The following DPP10 variants were observed in gnomAD, a reference collection of about 807,000 sequenced individuals.
The protein encoded by DPP10 is inactive dipeptidyl peptidase 10.
Under a neutral mutation model 120.9 loss-of-function variants are expected in DPP10, and 33 were observed. The observed-to-expected ratio is 0.27, with a 90% CI of 0.21 to 0.37. The LOEUF is 0.37. Among genes scored for constraint, DPP10 ranks in the 10% least tolerant of loss-of-function variants. DPP10 has a pLI of 1.00. For synonymous variants in DPP10, 337 were observed against 326.1 expected (o/e 1.03, Z -0.36); for missense variants, 816 against 942.8 (o/e 0.87, Z 1.76).
rs1699238734 is a variant in DPP10 at position 114,684,485 on chromosome 2, G to T, written c.60+241647G>T. Among the ~76,000 whole-genome samples, 5 of 152,108 alleles carry T rather than the reference G, an allele frequency of 3.3e-5. No individual in the cohort carries two copies. In the South Asian group the frequency reaches 8.3e-4, roughly 25 times the overall value. Reference sequence around the variant, plus strand: ...AAGTGTTTTCTTTCCCTCCCTTTGGGCTGGTTTTACAATGCTAGTGTGCTA... The same window carrying T: ...AAGTGTTTTCTTTCCCTCCCTTTGGTCTGGTTTTACAATGCTAGTGTGCTA... On this transcript the variant is annotated intron_variant, in intron 1 of 25. Transcript: ENST00000410059.
intron 1 of DPP10, among the ~76,000 whole-genome samples, chr2:114,584,640 G>T (rs1280393858): frequency 6.9e-6 from 1 of 145,342 alleles, no homozygotes; most frequent in Non-Finnish European, 1.5e-5. Context: ...GTGAGAACCT[G>T]CAGTGTTTGG....
intron 1 of DPP10, among the ~76,000 whole-genome samples, chr2:114,686,756 G>A (rs1318080316): frequency 6.6e-6 from 1 of 151,896 alleles, no homozygotes; most frequent in Non-Finnish European, 1.5e-5. Context: ...CGCAATAATT[G>A]TAGTCAAGAG....
At chr2:115,170,849 T>G (rs1383060846) in intron 1 of DPP10, among the ~76,000 whole-genome samples, 3 of 152,214 alleles carry the variant, frequency 2.0e-5, no homozygotes, top group Non-Finnish European at 2.9e-5. Context: ...AAATGAGATT[T>G]GCTCAACTTT....
chr2:115,798,351 C>T (rs1226199981), intron 19 of DPP10, among the ~76,000 whole-genome samples: 1 of 151,976 alleles, frequency 6.6e-6, no homozygotes, highest in African/African-American at 2.4e-5. Context: ...TTTAACATGA[C>T]TTTGAAAGGT....
intron 16 of DPP10, 149 bp downstream of exon 16, chr2:115,781,144 C>A: frequency 2.0e-6 from 1 of 503,714 alleles, no homozygotes; most frequent in Admixed American, 4.2e-5. Context: ...TATAGACTTA[C>A]TGAGATACAA....
intron 5 of DPP10, among the ~76,000 whole-genome samples, chr2:115,587,318 T>C (rs2082357967): frequency 6.6e-6 from 1 of 152,064 alleles, no homozygotes; most frequent in South Asian, 2.1e-4. Context: ...CAGGGTGGTC[T>C]CGATCTCCTG....
chr2:114,692,734 A>G (rs1699841970), intron 1 of DPP10, among the ~76,000 whole-genome samples: 1 of 152,006 alleles, frequency 6.6e-6, no homozygotes, highest in South Asian at 2.1e-4. Flanking sequence ...TTAGGTCTCT[A>G]AGCACTTGCT....
intron 1 of DPP10, among the ~76,000 whole-genome samples, chr2:115,070,435 C>T (rs1039794400): frequency 6.6e-6 from 1 of 152,100 alleles, no homozygotes; most frequent in Non-Finnish European, 1.5e-5. Flanking sequence ...CATGCTCTTT[C>T]CAGAGGGCAA....
At chr2:114,821,688 G>T (rs1686099481) in intron 1 of DPP10, among the ~76,000 whole-genome samples, 1 of 152,144 alleles carries the variant, frequency 6.6e-6, no homozygotes, top group Non-Finnish European at 1.5e-5. Context: ...ACAGGCATTG[G>T]TTAAATACAT....
At chr2:115,283,384 A>C (rs1191916647) in intron 1 of DPP10, among the ~76,000 whole-genome samples, 1 of 152,056 alleles carries the variant, frequency 6.6e-6, no homozygotes, top group Non-Finnish European at 1.5e-5. Flanking sequence ...TTGGGAAATG[A>C]TGTCTACTCA....
At chr2:114,888,836 C>A (rs940679386) in intron 1 of DPP10, among the ~76,000 whole-genome samples, 3 of 152,184 alleles carry the variant, frequency 2.0e-5, no homozygotes, top group African/African-American at 7.2e-5. Flanking sequence ...TGGCTGAGAA[C>A]TCTTCATTTA....
chr2:115,615,726 T>A (rs1452710649), intron 5 of DPP10, among the ~76,000 whole-genome samples: 1 of 152,200 alleles, frequency 6.6e-6, no homozygotes, highest in African/African-American at 2.4e-5. Context: ...AAAATTAATG[T>A]CAAATCTAAT....
chr2:115,340,719 T>C (rs1305870763), intron 2 of DPP10, among the ~76,000 whole-genome samples: 2 of 151,642 alleles, frequency 1.3e-5, no homozygotes, highest in Non-Finnish European at 1.5e-5. Flanking sequence ...CTAAATGTTT[T>C]TGGAAGACAA....
rs917224607 is a variant in DPP10 at position 114,672,069 on chromosome 2, A to G, written c.60+229231A>G. Among the ~76,000 whole-genome samples the G allele has an allele frequency of 6.6e-5, 10 of 152,212 alleles. No individual in the cohort carries two copies. In the East Asian group the frequency reaches 1.2e-3, roughly 18 times the overall value. On this transcript the variant is annotated intron_variant, in intron 1 of 25. Transcript: ENST00000410059. ...CCTCATGGTGCTATTATGATTTTGT[A>G]AGAAAGAATTGCATATATTTCTTTC...
chr2:115,123,753 G>C (rs1330235850), intron 1 of DPP10, among the ~76,000 whole-genome samples: 1 of 152,032 alleles, frequency 6.6e-6, no homozygotes, highest in Non-Finnish European at 1.5e-5. Flanking sequence ...GCCCTCTCCT[G>C]CTGTGCTCAT....
At chr2:115,696,131 G>A (rs947587842) in intron 7 of DPP10, among the ~76,000 whole-genome samples, 10 of 152,020 alleles carry the variant, frequency 6.6e-5, no homozygotes. Flanking sequence ...CATCAAGTGG[G>A]GCAACATAAG....
Position 115,169,101 on chromosome 2 carries a change from C to T in DPP10, c.61-140138C>T, listed in dbSNP as rs184913520. 6.4e-3 allele frequency among the ~76,000 whole-genome samples: 980 copies of T among 152,210 alleles called. 36 individuals carry two copies. Among genetic ancestry groups the T allele is most frequent in the Admixed American group, 0.058 (883 of 15,290 alleles). ...TTAATTACATTTTGGGGAGAGGCAA[C>T]GTGATGTAAGACTGAGAACAAGGTC... On this transcript the variant is annotated intron_variant, in intron 1 of 25. Coordinates refer to ENST00000410059, the MANE Select transcript of DPP10 (RefSeq NM_020868.6).
intron 2 of DPP10, among the ~76,000 whole-genome samples, chr2:115,334,003 C>T (rs2062932934): frequency 6.6e-6 from 1 of 151,734 alleles, no homozygotes; most frequent in Non-Finnish European, 1.5e-5. Flanking sequence ...GTGAAAAGAT[C>T]AAATCTACCT....
intron 1 of DPP10, among the ~76,000 whole-genome samples, chr2:114,794,325 A>G (rs1277956308): frequency 6.6e-6 from 1 of 152,218 alleles, no homozygotes; most frequent in Non-Finnish European, 1.5e-5. Context: ...AGAACCACCG[A>G]CATTTGTCTC....
Sources: allele counts gnomAD v4.1 joint callset (sites outside exome capture counted in the v4.1 genomes callset), GRCh38; gene constraint gnomAD v4.1.1; transcripts MANE v1.5; gene names NCBI Gene and HGNC (gene_info 2026-07-23, HGNC 2026-07-21).